The following MGAT4C variants were observed in gnomAD, a reference collection of about 807,000 sequenced individuals.
MGAT4C encodes the protein alpha-1,3-mannosyl-glycoprotein 4-beta-N-acetylglucosaminyltransferase C.
In MGAT4C, 19 loss-of-function variants were observed where a neutral mutation model predicts 40.1. The observed-to-expected ratio is 0.47, with a 90% confidence interval of 0.33 to 0.70. The LOEUF (loss-of-function observed/expected upper bound fraction) is 0.70. Among genes scored for constraint, MGAT4C ranks in the 30% least tolerant of loss-of-function variants. MGAT4C has a pLI of 0.02. For missense variants in MGAT4C, 491 were observed against 563.2 expected (o/e 0.87, Z 1.30); for synonymous variants, 181 against 187.1 (o/e 0.97, Z 0.27).
At chr12:86,022,130 T>C (rs1889797756) in intron 2 of MGAT4C, among the ~76,000 whole-genome samples, 1 of 152,228 alleles carries the variant, frequency 6.6e-6, no homozygotes, top group African/African-American at 2.4e-5. Context: ...GAGTTTATAC[T>C]AGGTACCAGA....
At chr12:86,244,300 A>G (rs1307726748) in intron 1 of MGAT4C, among the ~76,000 whole-genome samples, 1 of 152,202 alleles carries the variant, frequency 6.6e-6, no homozygotes, top group Non-Finnish European at 1.5e-5. Flanking sequence ...AGAAACTCTC[A>G]GGATGTAAGT....
intron 3 of MGAT4C, among the ~76,000 whole-genome samples, chr12:86,349,532 T>G (rs965310404): frequency 1.3e-5 from 2 of 152,154 alleles, no homozygotes; most frequent in South Asian, 2.1e-4. Flanking sequence ...CAGAGCCTCT[T>G]GTAAACCCTC....
intron 1 of MGAT4C, among the ~76,000 whole-genome samples, chr12:86,082,091 G>A (rs181991386): frequency 1.6e-4 from 24 of 152,234 alleles, no homozygotes; most frequent in African/African-American, 5.5e-4. Flanking sequence ...GAAACACTGT[G>A]AATCATGCAT....
chr12:86,699,595 A>G (rs1163786697), intron 2 of MGAT4C, among the ~76,000 whole-genome samples: 2 of 152,086 alleles, frequency 1.3e-5, no homozygotes, highest in Non-Finnish European at 2.9e-5. Context: ...AGTGCAGCCA[A>G]AAAAACTGCA....
intron 4 of MGAT4C, among the ~76,000 whole-genome samples, chr12:86,287,213 G>C (rs574124837): frequency 5.9e-5 from 9 of 152,052 alleles, no homozygotes; most frequent in African/African-American, 2.2e-4. Context: ...CACACACCAG[G>C]GAAGTGTATA....
intron 2 of MGAT4C, among the ~76,000 whole-genome samples, chr12:86,559,743 A>G (rs1301560666): frequency 6.6e-6 from 1 of 152,074 alleles, no homozygotes; most frequent in African/African-American, 2.4e-5. Flanking sequence ...TCAAAAAACA[A>G]GAAAAGCAAG....
chr12:86,280,061 G>A (rs1953174994), intron 4 of MGAT4C, among the ~76,000 whole-genome samples: 1 of 152,040 alleles, frequency 6.6e-6, no homozygotes, highest in Admixed American at 6.6e-5. Flanking sequence ...GTCTAACATT[G>A]AGAATGATCT....
chr12:86,716,635 C>G (rs973341019), intron 2 of MGAT4C, among the ~76,000 whole-genome samples: 2 of 151,990 alleles, frequency 1.3e-5, no homozygotes, highest in Non-Finnish European at 2.9e-5. Flanking sequence ...TTGCACTATA[C>G]AAAATTTGTA....
At chr12:86,010,218 CA>C (rs1888318962) in intron 2 of MGAT4C, among the ~76,000 whole-genome samples, 1 of 152,028 alleles carries the variant, frequency 6.6e-6, no homozygotes, top group Non-Finnish European at 1.5e-5. Context: ...TTATTTAAAG[CA>C]AAACAGACAT....
intron 2 of MGAT4C, among the ~76,000 whole-genome samples, chr12:86,619,259 A>T (rs1306666458): frequency 6.6e-6 from 1 of 152,096 alleles, no homozygotes; most frequent in East Asian, 1.9e-4. Context: ...CAATATAACT[A>T]AACTAAATTT....
rs150080676 is a variant in MGAT4C at position 86,344,125 on chromosome 12, C to G, written c.-119-9998G>C. Among the ~76,000 whole-genome samples, 890 of 152,190 alleles carry G rather than the reference C, an allele frequency of 5.8e-3. 3 individuals carry two copies. Among genetic ancestry groups the G allele is most frequent in the African/African-American group, 0.021 (852 of 41,522 alleles). On this transcript the variant is annotated intron_variant, in intron 3 of 7. Coordinates refer to the MGAT4C transcript ENST00000548651. ...CCCTCCCCCAATGCAGAAAGATAGT[C>G]TGATATTTGAATTCCCAAGGGAATT...
intron 2 of MGAT4C, among the ~76,000 whole-genome samples, chr12:86,036,991 T>C (rs1208147699): frequency 6.7e-6 from 1 of 150,166 alleles, no homozygotes; most frequent in Non-Finnish European, 1.5e-5. Flanking sequence ...TATTCAAGGA[T>C]TCAACTTCTT....
intron 1 of MGAT4C, among the ~76,000 whole-genome samples, chr12:86,073,984 G>T (rs1033676256): frequency 6.6e-6 from 1 of 152,134 alleles, no homozygotes; most frequent in African/African-American, 2.4e-5. Context: ...ATCTCAGTTT[G>T]AATTGTACCT....
chr12:86,292,031 T>G (rs921852597), intron 4 of MGAT4C, among the ~76,000 whole-genome samples: 1 of 152,194 alleles, frequency 6.6e-6, no homozygotes, highest in African/African-American at 2.4e-5. Context: ...CACAATTTTA[T>G]GCTTGATTCT....
intron 1 of MGAT4C, among the ~76,000 whole-genome samples, chr12:86,081,948 A>T (rs909633321): frequency 6.6e-6 from 1 of 152,148 alleles, no homozygotes; most frequent in Non-Finnish European, 1.5e-5. Flanking sequence ...CCTCCATGTC[A>T]CTAGAGAATG....
Position 86,360,639 on chromosome 12 carries a change from C to T in MGAT4C, c.-119-26512G>A, listed in dbSNP as rs571025319. Among the ~76,000 whole-genome samples the T allele has an allele frequency of 5.3e-5, 8 of 152,330 alleles. No individual in the cohort carries two copies. In the East Asian group the frequency reaches 9.6e-4, roughly 18 times the overall value. ...AGCTGATAAGCAACTTCAGCAAAGT[C>T]TCAGGACACAAAATCAATGTGCAAA... On this transcript the variant is annotated intron_variant, in intron 3 of 7. Transcript: ENST00000548651.
intron 2 of MGAT4C, among the ~76,000 whole-genome samples, chr12:86,607,269 T>C (rs571642561): frequency 6.6e-6 from 1 of 152,186 alleles, no homozygotes; most frequent in Non-Finnish European, 1.5e-5. Flanking sequence ...ACTACATTTA[T>C]TATTAACTTA....
At chr12:86,519,373 C>T (rs1293156442) in intron 2 of MGAT4C, among the ~76,000 whole-genome samples, 1 of 152,104 alleles carries the variant, frequency 6.6e-6, no homozygotes, top group Non-Finnish European at 1.5e-5. Context: ...TATGGGAGTG[C>T]AGATATCTCT....
intron 3 of MGAT4C, among the ~76,000 whole-genome samples, chr12:86,382,831 G>A (rs1217198862): frequency 2.6e-5 from 4 of 152,216 alleles, no homozygotes. Context: ...GTGTACAGAA[G>A]TCATGAATTG....
Sources: allele counts gnomAD v4.1 joint callset (sites outside exome capture counted in the v4.1 genomes callset), GRCh38; gene constraint gnomAD v4.1.1; transcripts MANE v1.5; gene names NCBI Gene and HGNC (gene_info 2026-07-23, HGNC 2026-07-21).